Variants in KCNQ5 observed in about 807,000 individuals in gnomAD.
KCNQ5 encodes the protein potassium voltage-gated channel subfamily KQT member 5.
In KCNQ5, 30 loss-of-function variants were observed where a neutral mutation model predicts 98.2. That is an observed-to-expected ratio of 0.31 (90% CI 0.23 to 0.41). The LOEUF (loss-of-function observed/expected upper bound fraction) is 0.41, where lower values mean the gene tolerates loss of function less well. KCNQ5 is among the 10% of genes least tolerant of loss of function. KCNQ5 has a pLI of 1.00. For synonymous variants in KCNQ5, 458 were observed against 449.4 expected, an observed-to-expected ratio of 1.02 and a Z score of -0.24; for missense variants, 835 against 1,182.5, an observed-to-expected ratio of 0.71 and a Z score of 4.31.
chr6:73,056,415 T>G (rs1772495953), intron 3 of KCNQ5, among the ~76,000 whole-genome samples: 1 of 151,622 alleles, frequency 6.6e-6, no homozygotes, highest in Admixed American at 6.6e-5. Context: ...AAAAAAAAAG[T>G]ATAGTGTATA....
intron 11 of KCNQ5, among the ~76,000 whole-genome samples, chr6:73,173,954 G>A (rs1051876004): frequency 1.3e-5 from 2 of 152,100 alleles, no homozygotes; most frequent in South Asian, 4.1e-4. Context: ...CCAATGCAAC[G>A]TATAAGTACT....
At chr6:72,829,373 A>G (rs1428692453) in intron 1 of KCNQ5, among the ~76,000 whole-genome samples, 1 of 152,188 alleles carries the variant, frequency 6.6e-6, no homozygotes, top group East Asian at 1.9e-4. Flanking sequence ...TTCACACCTT[A>G]TAAAGGAGCA....
intron 3 of KCNQ5, among the ~76,000 whole-genome samples, chr6:73,069,356 G>C (rs1773206441): frequency 1.3e-5 from 2 of 151,866 alleles, no homozygotes; most frequent in South Asian, 4.2e-4. Flanking sequence ...CTTCTCAACT[G>C]CAAAATATGG....
intron 1 of KCNQ5, among the ~76,000 whole-genome samples, chr6:72,944,055 G>A (rs12214714): frequency 6.6e-5 from 10 of 152,308 alleles, no homozygotes; most frequent in Non-Finnish European, 1.2e-4. Context: ...CCCAAAGTCT[G>A]TCTTCAACCA....
intron 7 of KCNQ5, among the ~76,000 whole-genome samples, chr6:73,115,936 G>A (rs961015645): frequency 6.6e-6 from 1 of 152,188 alleles, no homozygotes; most frequent in Non-Finnish European, 1.5e-5. Flanking sequence ...GAATGAGAAG[G>A]AGGCTGAGAG....
intron 7 of KCNQ5, among the ~76,000 whole-genome samples, chr6:73,114,207 G>A (rs1176032654): frequency 6.6e-6 from 1 of 152,150 alleles, no homozygotes; most frequent in Non-Finnish European, 1.5e-5. Flanking sequence ...ATTTCAGGAT[G>A]TAATAGATTG....
intron 2 of KCNQ5, among the ~76,000 whole-genome samples, chr6:73,017,634 A>G (rs1202490859): frequency 1.3e-5 from 2 of 152,216 alleles, no homozygotes; most frequent in Admixed American, 1.3e-4. Context: ...GGATTCAATG[A>G]AAACGCTGCA....
chr6:72,790,477 T>A (rs1773979349), intron 1 of KCNQ5, among the ~76,000 whole-genome samples: 1 of 152,086 alleles, frequency 6.6e-6, no homozygotes, highest in Admixed American at 6.5e-5. Flanking sequence ...AGATAGAGAA[T>A]AAAAGGATAG....
chr6:72,668,463 C>CTGTG (rs143299838), intron 1 of KCNQ5, among the ~76,000 whole-genome samples: 1 of 151,048 alleles, frequency 6.6e-6, no homozygotes. Flanking sequence ...TGTTGGGACT[C>CTGTG]TGTGTGTGTG....
At chr6:72,844,077 G>A (rs796497998) in intron 1 of KCNQ5, among the ~76,000 whole-genome samples, 61 of 152,228 alleles carry the variant, frequency 4.0e-4, no homozygotes, top group African/African-American at 1.5e-3. Flanking sequence ...GATGGGTGCA[G>A]GAAACCACCA....
intron 9 of KCNQ5, among the ~76,000 whole-genome samples, chr6:73,125,199 C>T (rs948458111): frequency 2.0e-5 from 3 of 151,356 alleles, no homozygotes; most frequent in African/African-American, 7.3e-5. Context: ...CCAAAAATTC[C>T]CCAAATAATT....
At chr6:73,107,395 G>A (rs1775047509) in intron 6 of KCNQ5, among the ~76,000 whole-genome samples, 1 of 152,136 alleles carries the variant, frequency 6.6e-6, no homozygotes. Flanking sequence ...GAAGATGATA[G>A]AACAAACACT....
chr6:72,977,169 C>T (rs16883127), intron 1 of KCNQ5, among the ~76,000 whole-genome samples: 14,646 of 152,112 alleles, frequency 0.096, 827 homozygotes, highest in East Asian at 0.23. Flanking sequence ...CATTTTGAGG[C>T]TATCTCATTT....
intron 1 of KCNQ5, among the ~76,000 whole-genome samples, chr6:72,945,483 C>A (rs181059170): frequency 0.016 from 2,244 of 137,112 alleles, 28 homozygotes; most frequent in Non-Finnish European, 0.022. Flanking sequence ...GAGACAGAGT[C>A]TTGCTCTGTC....
chr6:73,029,972 G>A (rs1414169394), intron 2 of KCNQ5, among the ~76,000 whole-genome samples: 1 of 150,434 alleles, frequency 6.6e-6, no homozygotes, highest in African/African-American at 2.4e-5. Context: ...TGATTTTGAT[G>A]GATGACTGGA....
Position 73,195,508 on chromosome 6 carries a change from A to G in KCNQ5, c.*94A>G. On this transcript the variant is annotated 3_prime_UTR_variant, in exon 14 of 14. Coordinates refer to ENST00000370398, the MANE Select transcript of KCNQ5 (RefSeq NM_019842.4). ...AGCCCTTCTAAAAAGTTGAAATTGC[A>G]AGAATCGGGAAGAACATGAAAGGCA... 7.0e-7 allele frequency: 1 copy of G among 1,434,652 alleles called. No individual in the cohort carries two copies. The highest frequency in any genetic ancestry group is 1.3e-5 in the South Asian group (1 of 74,094). 88.9% of individuals were successfully genotyped at this position (1,434,652 alleles called of 1,614,324 possible). A position where few individuals can be genotyped will look rare whatever the true frequency, so the allele number is the denominator to read the frequency against.
intron 3 of KCNQ5, among the ~76,000 whole-genome samples, chr6:73,048,591 G>A (rs1281831378): frequency 1.3e-5 from 2 of 152,140 alleles, no homozygotes; most frequent in African/African-American, 4.8e-5. Context: ...GCAACAAAAA[G>A]TATGGCTGTT....
At chr6:72,745,166 C>T (rs1771318273) in intron 1 of KCNQ5, among the ~76,000 whole-genome samples, 1 of 152,052 alleles carries the variant, frequency 6.6e-6, no homozygotes, top group Non-Finnish European at 1.5e-5. Context: ...TATTGCTTTG[C>T]CATTTAAAAA....
At chr6:72,726,194 T>C (rs894477152) in intron 1 of KCNQ5, among the ~76,000 whole-genome samples, 6 of 151,374 alleles carry the variant, frequency 4.0e-5, no homozygotes, top group Non-Finnish European at 8.8e-5. Context: ...TAAAAATCTG[T>C]TTTTTAAATT....
Sources: allele counts gnomAD v4.1 joint callset (sites outside exome capture counted in the v4.1 genomes callset), GRCh38; gene constraint gnomAD v4.1.1; transcripts MANE v1.5; gene names NCBI Gene and HGNC (gene_info 2026-07-23, HGNC 2026-07-21).